SUCLG2: variants seen among roughly 807,000 people sequenced by gnomAD.
The protein encoded by SUCLG2 is succinate-CoA ligase GDP-forming subunit beta.
SUCLG2 carries 42 observed loss-of-function variants against 47.9 expected under a neutral mutation model. The observed-to-expected ratio is 0.88, with a 90% CI of 0.69 to 1.14. The LOEUF is 1.14. Among genes scored for constraint, SUCLG2 ranks in the 50% most tolerant of loss-of-function variants. The pLI, the probability that SUCLG2 is intolerant of heterozygous loss-of-function variation, is 0.00. For missense variants in SUCLG2, 571 were observed against 525.9 expected, an observed-to-expected ratio of 1.09 and a Z score of -0.84; for synonymous variants, 195 against 197.3, an observed-to-expected ratio of 0.99 and a Z score of 0.10.
intron 10 of SUCLG2, among the ~76,000 whole-genome samples, chr3:67,399,173 A>G (rs1459294257): frequency 6.7e-6 from 1 of 148,556 alleles, no homozygotes; most frequent in Admixed American, 6.7e-5. Flanking sequence ...AAGTATAATA[A>G]TAATAAAATA....
At chr3:67,577,126 T>C (rs1385399606) in intron 2 of SUCLG2, among the ~76,000 whole-genome samples, 2 of 152,064 alleles carry the variant, frequency 1.3e-5, no homozygotes, top group Non-Finnish European at 2.9e-5. Context: ...CTGGCCAACA[T>C]GGCAAAATCT....
At chr3:67,381,497 C>T (rs936995925) in intron 10 of SUCLG2, among the ~76,000 whole-genome samples, 8 of 152,142 alleles carry the variant, frequency 5.3e-5, no homozygotes, top group African/African-American at 1.9e-4. Flanking sequence ...TATGCCTGTG[C>T]ACAGAATTAC....
chr3:67,525,112 C>G (rs186201206), intron 4 of SUCLG2, among the ~76,000 whole-genome samples: 7 of 152,232 alleles, frequency 4.6e-5, no homozygotes, highest in Admixed American at 4.6e-4. Flanking sequence ...CAATACAATG[C>G]TGATGAAATA....
At chr3:67,571,196 ATGTC>A (rs1707597819) in intron 2 of SUCLG2, among the ~76,000 whole-genome samples, 1 of 152,158 alleles carries the variant, frequency 6.6e-6, no homozygotes, top group African/African-American at 2.4e-5. Context: ...ACATTTGGCA[ATGTC>A]TGGACACAGT....
At chr3:67,552,818 G>C (rs889808061) in intron 2 of SUCLG2, among the ~76,000 whole-genome samples, 2 of 152,132 alleles carry the variant, frequency 1.3e-5, no homozygotes, top group Admixed American at 1.3e-4. Flanking sequence ...GTAAACTACT[G>C]TGTGTTTTAT....
At chr3:67,478,200 A>G (rs1160666599) in intron 9 of SUCLG2, among the ~76,000 whole-genome samples, 3 of 152,206 alleles carry the variant, frequency 2.0e-5, no homozygotes, top group Non-Finnish European at 2.9e-5. Flanking sequence ...ATAAATGACC[A>G]CAATACCCAT....
At chr3:67,460,228 G>C (rs1704298670) in intron 9 of SUCLG2, among the ~76,000 whole-genome samples, 1 of 152,128 alleles carries the variant, frequency 6.6e-6, no homozygotes, top group Non-Finnish European at 1.5e-5. Flanking sequence ...GTGTAGCTAA[G>C]AATAATAACA....
At chr3:67,506,251 C>A (rs1346928624) in intron 7 of SUCLG2, among the ~76,000 whole-genome samples, 1 of 152,118 alleles carries the variant, frequency 6.6e-6, no homozygotes, top group Non-Finnish European at 1.5e-5. Context: ...TGATGAAGAT[C>A]AATTTGTACA....
intron 2 of SUCLG2, among the ~76,000 whole-genome samples, chr3:67,530,304 C>T (rs551839814): frequency 3.3e-5 from 5 of 152,258 alleles, no homozygotes; most frequent in Admixed American, 6.5e-5. Context: ...TAAATGAACA[C>T]ACATGAATGC....
At chr3:67,518,714 T>C (rs1274269194) in intron 5 of SUCLG2, among the ~76,000 whole-genome samples, 2 of 152,224 alleles carry the variant, frequency 1.3e-5, no homozygotes, top group Non-Finnish European at 2.9e-5. Flanking sequence ...AAGCCTGTCA[T>C]AGATAGGTTA....
At chr3:67,574,048 A>G (rs1429243365) in intron 2 of SUCLG2, among the ~76,000 whole-genome samples, 2 of 152,166 alleles carry the variant, frequency 1.3e-5, no homozygotes, top group East Asian at 3.9e-4. Context: ...CTACTGGAGG[A>G]CACATACATT....
At chr3:67,385,529 T>A (rs193189124) in intron 10 of SUCLG2, among the ~76,000 whole-genome samples, 2 of 152,294 alleles carry the variant, frequency 1.3e-5, no homozygotes, top group African/African-American at 2.4e-5. Context: ...TTGGCATGGG[T>A]AGTCCCGCCC....
chr3:67,456,512 CAG>C (rs1247194734), intron 9 of SUCLG2, among the ~76,000 whole-genome samples: 1 of 152,130 alleles, frequency 6.6e-6, no homozygotes, highest in East Asian at 1.9e-4. Context: ...ATAATAGGAA[CAG>C]AGTTGCCCTG....
At chr3:67,528,646 A>T (rs1214019452) in intron 3 of SUCLG2, among the ~76,000 whole-genome samples, 1 of 152,194 alleles carries the variant, frequency 6.6e-6, no homozygotes, top group Non-Finnish European at 1.5e-5. Context: ...AGGAGAGGAA[A>T]GTGTTCAGTG....
chr3:67,583,955 C>T (rs992248430), intron 2 of SUCLG2, among the ~76,000 whole-genome samples: 5 of 152,190 alleles, frequency 3.3e-5, no homozygotes, highest in African/African-American at 1.2e-4. Flanking sequence ...ATAGTAACCT[C>T]AACTACATCT....
chr3:67,607,221 AC>A (rs1700434811), intron 2 of SUCLG2, among the ~76,000 whole-genome samples: 1 of 152,202 alleles, frequency 6.6e-6, no homozygotes. Context: ...GCCACTAGCC[AC>A]ATCAGTCTCT....
intron 9 of SUCLG2, among the ~76,000 whole-genome samples, chr3:67,485,722 TA>T (rs760436900): frequency 6.6e-6 from 1 of 152,186 alleles, no homozygotes; most frequent in Non-Finnish European, 1.5e-5. Context: ...ATTTAATATT[TA>T]AAAACTTCCA....
chr3:67,568,730 A>G (rs1007437239), intron 2 of SUCLG2, among the ~76,000 whole-genome samples: 7 of 152,244 alleles, frequency 4.6e-5, no homozygotes, highest in Admixed American at 2.6e-4. Context: ...TACTAAAAAT[A>G]CAAAAAATTA....
chr3:67,638,403 G>A (rs1273721542), intron 1 of SUCLG2, among the ~76,000 whole-genome samples: 1 of 152,162 alleles, frequency 6.6e-6, no homozygotes, highest in Non-Finnish European at 1.5e-5. Flanking sequence ...CCAGATTGTA[G>A]CTACACTTGG....
Sources: gnomAD v4.1 joint callset for allele counts (sites outside exome capture counted in the v4.1 genomes callset) on GRCh38, gnomAD v4.1.1 for gene constraint, MANE v1.5 for transcripts, NCBI Gene and HGNC (gene_info 2026-07-23, HGNC 2026-07-21) for gene names.